Variants in SLC36A2 observed in about 807,000 individuals in gnomAD.
The protein encoded by SLC36A2 is solute carrier family 36 member 2.
Under a neutral mutation model 42.7 loss-of-function variants are expected in SLC36A2, and 39 were observed. The ratio of observed to expected loss-of-function variants is 0.91; its 90% CI spans 0.71 to 1.19. SLC36A2 has a LOEUF of 1.19. Among genes scored for constraint, SLC36A2 ranks in the 50% most tolerant of loss-of-function variants. SLC36A2 has a pLI of 0.00. For missense variants in SLC36A2, 590 were observed against 613.7 expected (o/e 0.96, Z 0.41); for synonymous variants, 237 against 240.8 (o/e 0.98, Z 0.15).
At chr5:151,337,852 G>T (rs1387369698) in intron 5 of SLC36A2, among the ~76,000 whole-genome samples, 7 of 152,190 alleles carry the variant, frequency 4.6e-5, no homozygotes, top group African/African-American at 7.2e-5. Context: ...GCAAAATACT[G>T]ACCAGTTAAG....
At chr5:151,341,779 AG>A (rs1357788773) in intron 4 of SLC36A2, among the ~76,000 whole-genome samples, 1 of 152,170 alleles carries the variant, frequency 6.6e-6, no homozygotes, top group African/African-American at 2.4e-5. Context: ...GCATGAAGAT[AG>A]GCTTAAACCC....
chr5:151,318,523 TATA>T (rs1333345462), intron 9 of SLC36A2, among the ~76,000 whole-genome samples: 54 of 141,830 alleles, frequency 3.8e-4, no homozygotes, highest in Non-Finnish European at 5.7e-4. Flanking sequence ...TAAATAAAAA[TATA>T]ATAATTATTT....
intron 7 of SLC36A2, among the ~76,000 whole-genome samples, chr5:151,327,480 C>T (rs1046802621): frequency 2.6e-5 from 4 of 152,182 alleles, no homozygotes; most frequent in African/African-American, 9.6e-5. Flanking sequence ...CCTGAAACTC[C>T]CTAACCCTCT....
intron 7 of SLC36A2, among the ~76,000 whole-genome samples, chr5:151,327,368 G>A (rs1413278399): frequency 6.6e-6 from 1 of 152,118 alleles, no homozygotes; most frequent in Non-Finnish European, 1.5e-5. Flanking sequence ...CCAAGTACCT[G>A]CTTCTACTCC....
At chr5:151,341,598 C>A (rs1287684679) in intron 4 of SLC36A2, among the ~76,000 whole-genome samples, 3 of 152,142 alleles carry the variant, frequency 2.0e-5, no homozygotes, top group Admixed American at 6.5e-5. Flanking sequence ...TTCTCTGTCA[C>A]CCCTGAGAGC....
chr5:151,327,579 G>A (rs1216144062), intron 7 of SLC36A2, among the ~76,000 whole-genome samples: 2 of 152,136 alleles, frequency 1.3e-5, no homozygotes, highest in Admixed American at 6.5e-5. Flanking sequence ...ATTAGGTCTC[G>A]TTGCAGCAGG....
At chr5:151,318,232 A>C (rs1295590615) in intron 9 of SLC36A2, among the ~76,000 whole-genome samples, 1 of 152,012 alleles carries the variant, frequency 6.6e-6, no homozygotes, top group Non-Finnish European at 1.5e-5. Flanking sequence ...GGATCCTTAC[A>C]TATCCAACAA....
chr5:151,326,987 A>AT (rs199637740), intron 7 of SLC36A2, among the ~76,000 whole-genome samples: 350 of 151,324 alleles, frequency 2.3e-3, no homozygotes, highest in East Asian at 5.3e-3. Flanking sequence ...TGATTTTTGT[A>AT]TTTTTTTTGT....
intron 9 of SLC36A2, among the ~76,000 whole-genome samples, chr5:151,321,276 C>T (rs986153655): frequency 6.6e-6 from 1 of 151,590 alleles, no homozygotes; most frequent in African/African-American, 2.4e-5. Context: ...GCAATCTTCC[C>T]ACCCTAGCCT....
chr5:151,345,938 G>A (rs1756479490), intron 1 of SLC36A2, among the ~76,000 whole-genome samples: 1 of 152,172 alleles, frequency 6.6e-6, no homozygotes, highest in African/African-American at 2.4e-5. Flanking sequence ...CATTGACAGA[G>A]GAGAAACTGG....
In SLC36A2 at chr5:151,347,450, G is replaced by A. The variant is rs1309346186; in HGVS notation, c.11C>T (p.Thr4Ile). 1 of 1,614,008 alleles carries A rather than the reference G, an allele frequency of 6.2e-7. No individual in the cohort carries two copies. Among genetic ancestry groups the A allele is most frequent in the Non-Finnish European group, 8.5e-7 (1 of 1,180,016 alleles). Residue 4 changes from threonine (T) to isoleucine (I), a missense_variant, in exon 1 of 10, where the codon ACA becomes ATA. Thr to Ile is a moderately conservative substitution (Grantham distance 89, BLOSUM62 -1). Coordinates refer to ENST00000335244, the MANE Select transcript of SLC36A2 (RefSeq NM_181776.3). ...TCCCTGGGGACCCTCAGTACTTTTT[G>A]TCACAGACATGACTGCTTAAGAAAC... Reference protein sequence around the residue: MSVTKSTEGPQGAV... With the variant: MSVIKSTEGPQGAV...
chr5:151,345,923 A>G (rs1756479156), intron 1 of SLC36A2, among the ~76,000 whole-genome samples: 1 of 152,200 alleles, frequency 6.6e-6, no homozygotes, highest in East Asian at 1.9e-4. Flanking sequence ...GGAGGAGAGA[A>G]CTATCATTGA....
chr5:151,331,688 T>C (rs566305729), intron 7 of SLC36A2, among the ~76,000 whole-genome samples: 2 of 152,122 alleles, frequency 1.3e-5, no homozygotes, highest in South Asian at 2.1e-4. Flanking sequence ...AGAGGATAAA[T>C]TGGAATTTAT....
intron 2 of SLC36A2, 67 bp from the exon 3 acceptor site, chr5:151,343,665 G>C: frequency 7.0e-7 from 1 of 1,427,450 alleles, no homozygotes. Flanking sequence ...AATACTGCAA[G>C]ATGGGCTTGG....
intron 7 of SLC36A2, chr5:151,332,347 G>A: frequency 4.4e-6 from 2 of 451,504 alleles, no homozygotes; most frequent in South Asian, 3.2e-5. Flanking sequence ...AGGACTTGAT[G>A]TTTCTCCAAA....
intron 8 of SLC36A2, among the ~76,000 whole-genome samples, chr5:151,324,830 G>A (rs1204635733): frequency 6.6e-6 from 1 of 152,028 alleles, no homozygotes; most frequent in African/African-American, 2.4e-5. Context: ...TGTAGAAGTG[G>A]GGTCTTACCA....
At chr5:151,328,889 A>G (rs1002551784) in intron 7 of SLC36A2, among the ~76,000 whole-genome samples, 7 of 152,202 alleles carry the variant, frequency 4.6e-5, no homozygotes, top group Non-Finnish European at 1.0e-4. Flanking sequence ...AAGAATCACT[A>G]TTGTGCTTTT....
chr5:151,318,521 A>ACT (rs1341583396), intron 9 of SLC36A2, among the ~76,000 whole-genome samples: 2 of 102,820 alleles, frequency 1.9e-5, no homozygotes, highest in African/African-American at 1.2e-4. Flanking sequence ...AATAAATAAA[A>ACT]ATATAATAAT....
Position 151,347,475 on chromosome 5 carries a change from C to A in SLC36A2, c.-15G>T. On this transcript the variant is annotated 5_prime_UTR_variant, in exon 1 of 10. Coordinates refer to ENST00000335244, the MANE Select transcript of SLC36A2 (RefSeq NM_181776.3). ...GTCACAGACATGACTGCTTAAGAAACAAGGAGCTCGGGGTGACAAAGAGGT... is the reference window on the plus strand; with the variant it reads ...GTCACAGACATGACTGCTTAAGAAAAAAGGAGCTCGGGGTGACAAAGAGGT... 1 of 1,613,312 alleles carries A rather than the reference C, an allele frequency of 6.2e-7. No homozygotes were observed. The highest frequency in any genetic ancestry group is 1.1e-5 in the South Asian group (1 of 91,044).
Sources: allele counts gnomAD v4.1 joint callset (sites outside exome capture counted in the v4.1 genomes callset), GRCh38; gene constraint gnomAD v4.1.1; transcripts MANE v1.5; gene names NCBI Gene and HGNC (gene_info 2026-07-23, HGNC 2026-07-21).